MAP4K5: variants seen among roughly 807,000 people sequenced by gnomAD.
MAP4K5 encodes mitogen-activated protein kinase kinase kinase kinase 5, also known as MAPK/ERK kinase kinase kinase 5.
Under a neutral mutation model 135.6 loss-of-function variants are expected in MAP4K5, and 82 were observed. The ratio of observed to expected loss-of-function variants is 0.60; its 90% CI spans 0.51 to 0.73. MAP4K5 has a LOEUF of 0.73. Ranked by LOEUF, MAP4K5 falls within the 30% of genes least tolerant of loss-of-function variation. MAP4K5 has a pLI of 0.00. For missense variants in MAP4K5, 907 were observed against 1,010.9 expected (o/e 0.90, Z 1.39); for synonymous variants, 347 against 335.0 (o/e 1.04, Z -0.39).
chr14:50,511,509 A>G (rs1160146389), intron 2 of MAP4K5, among the ~76,000 whole-genome samples: 3 of 152,184 alleles, frequency 2.0e-5, no homozygotes, highest in Non-Finnish European at 4.4e-5. Flanking sequence ...ACTACAGGAT[A>G]GCTATAGTTA....
At chr14:50,436,701 G>C (rs927054885) in intron 26 of MAP4K5, among the ~76,000 whole-genome samples, 9 of 152,226 alleles carry the variant, frequency 5.9e-5, no homozygotes, top group African/African-American at 2.2e-4. Context: ...GGACATCGAG[G>C]CTCGAATAAG....
rs1366344841 is a variant in MAP4K5 at position 50,443,950 on chromosome 14, G to A, written c.1426C>T (p.Arg476Ter). Residue 476 changes from arginine (R) to a stop codon, truncating the protein, a stop_gained, in exon 19 of 33, where the codon CGA (arginine) becomes TGA (stop). Transcript: ENST00000682126. LOFTEE classifies it high-confidence loss of function. ...APQLPRKKDK[R>*]DFPKPAINGL... ...CCTGTTATACCTACAGGGAAGTCTC[G>A]TTTGTCCTTTTTTCGTGGTAACTGT... 2.5e-6 allele frequency: 4 copies of A among 1,606,506 alleles called. No homozygotes were observed. The highest frequency in any genetic ancestry group is 1.3e-5 in the African/African-American group (1 of 74,992).
chr14:50,477,532 C>G (rs2037128862), intron 6 of MAP4K5, among the ~76,000 whole-genome samples: 1 of 152,160 alleles, frequency 6.6e-6, no homozygotes, highest in South Asian at 2.1e-4. Flanking sequence ...TAAAGGCAGA[C>G]TTCATCACCC....
intron 31 of MAP4K5, among the ~76,000 whole-genome samples, chr14:50,423,600 T>C (rs1048920058): frequency 6.6e-6 from 1 of 151,924 alleles, no homozygotes; most frequent in African/African-American, 2.4e-5. Flanking sequence ...ACCCTGTATC[T>C]ACAGAAGTAT....
At chr14:50,482,042 C>T (rs1047391221) in intron 6 of MAP4K5, among the ~76,000 whole-genome samples, 1 of 152,198 alleles carries the variant, frequency 6.6e-6, no homozygotes, top group African/African-American at 2.4e-5. Flanking sequence ...CCAATTTACA[C>T]AACTGAGGGC....
intron 14 of MAP4K5, among the ~76,000 whole-genome samples, chr14:50,452,842 C>T (rs1051081953): frequency 1.3e-5 from 2 of 152,210 alleles, no homozygotes; most frequent in African/African-American, 4.8e-5. Context: ...AGGGCTTCCA[C>T]CCAAGTCAGT....
intron 3 of MAP4K5, among the ~76,000 whole-genome samples, chr14:50,499,643 A>G (rs560408010): frequency 3.9e-5 from 6 of 152,086 alleles, no homozygotes; most frequent in Admixed American, 2.0e-4. Flanking sequence ...GGGCAACAGA[A>G]AGAGACCCTG....
At chr14:50,432,566 A>C (rs1186904710) in intron 28 of MAP4K5, among the ~76,000 whole-genome samples, 1 of 151,216 alleles carries the variant, frequency 6.6e-6, no homozygotes, top group South Asian at 2.1e-4. Flanking sequence ...CAAAAAAAAA[A>C]AAAAAAAAAA....
intron 28 of MAP4K5, 36 bp from the exon 29 acceptor site, chr14:50,429,296 T>G (rs957502315): frequency 7.8e-7 from 1 of 1,284,340 alleles, no homozygotes; most frequent in Admixed American, 2.1e-5. Context: ...AATTATACTT[T>G]TAAAACCTAG....
chr14:50,424,021 C>T (rs2035789866), intron 31 of MAP4K5, among the ~76,000 whole-genome samples: 2 of 152,046 alleles, frequency 1.3e-5, no homozygotes, highest in South Asian at 4.1e-4. Context: ...TCTTTATTGG[C>T]TTTTTGCCCC....
Position 50,429,218 on chromosome 14 carries a change from C to T in MAP4K5, c.2207G>A (p.Arg736Lys). 1 of 1,562,284 alleles carries T rather than the reference C, an allele frequency of 6.4e-7. No individual in the cohort carries two copies. Among genetic ancestry groups the T allele is most frequent in the East Asian group, 2.4e-5 (1 of 42,298 alleles). Reference protein sequence around the residue: ...LDSIHVTQLERDTVLVCLDKF... With the variant: ...LDSIHVTQLEKDTVLVCLDKF... Reference sequence around the variant, plus strand: ...GTCTAAACACACTAAAACGGTATCTCTCTCCAACTGTGTTACATGAATGGA... The same window carrying T: ...GTCTAAACACACTAAAACGGTATCTTTCTCCAACTGTGTTACATGAATGGA... Residue 736 changes from arginine (R) to lysine (K), a missense_variant, in exon 29 of 33, where the codon AGA becomes AAA. Physicochemically the swap from Arg to Lys is conservative, Grantham distance 26. Coordinates refer to ENST00000682126, the MANE Select transcript of MAP4K5 (RefSeq NM_006575.6).
intron 28 of MAP4K5, among the ~76,000 whole-genome samples, chr14:50,431,405 C>T (rs545925606): frequency 6.6e-6 from 1 of 152,118 alleles, no homozygotes; most frequent in Non-Finnish European, 1.5e-5. Context: ...CTCTCCCCTT[C>T]CCCCACCCCA....
intron 1 of MAP4K5, 129 bp from the exon 2 acceptor site, chr14:50,532,287 G>GC (rs1293555289): frequency 2.3e-6 from 1 of 444,084 alleles, no homozygotes; most frequent in Non-Finnish European, 4.0e-6. Flanking sequence ...GCCTGGAAGG[G>GC]CCCCCGGCGC....
chr14:50,543,955 T>G (rs2140149697), intron 1 of MAP4K5, among the ~76,000 whole-genome samples: 1 of 152,370 alleles, frequency 6.6e-6, no homozygotes, highest in South Asian at 2.1e-4. Context: ...CTGGCTATTT[T>G]GGAGTCTTCA....
intron 1 of MAP4K5, among the ~76,000 whole-genome samples, chr14:50,544,918 CAG>C (rs1325742024): frequency 8.7e-6 from 1 of 115,538 alleles, no homozygotes; most frequent in East Asian, 2.7e-4. Flanking sequence ...GCCTGAGTGA[CAG>C]AGTGAGACCC....
intron 1 of MAP4K5, among the ~76,000 whole-genome samples, chr14:50,557,037 T>C (rs951554240): frequency 2.0e-5 from 3 of 152,212 alleles, no homozygotes; most frequent in African/African-American, 7.2e-5. Flanking sequence ...ATGGCAATTC[T>C]ATGTTTAACT....
rs974240467 is a variant in MAP4K5 at position 50,434,878 on chromosome 14, G to A, written c.1986+84C>T. 3 of 748,698 alleles carry A rather than the reference G, an allele frequency of 4.0e-6. No individual in the cohort carries two copies. In the African/African-American group the frequency reaches 5.3e-5, roughly 13 times the overall value. The allele number at this position is 748,698 out of a possible 1,614,324, so 46.4% of individuals were successfully genotyped here. On this transcript the variant is annotated intron_variant, in intron 27 of 32. Coordinates refer to ENST00000682126, the MANE Select transcript of MAP4K5 (RefSeq NM_006575.6). ...ACTATAAATGTTCTGACCCTAGATA[G>A]TAGTATTGGGATCTGCTAATTTTAG...
At chr14:50,487,143 T>C (rs2037379428) in intron 3 of MAP4K5, among the ~76,000 whole-genome samples, 1 of 152,176 alleles carries the variant, frequency 6.6e-6, no homozygotes, top group Non-Finnish European at 1.5e-5. Flanking sequence ...AACATCTATT[T>C]AGTTTCATAC....
intron 31 of MAP4K5, among the ~76,000 whole-genome samples, chr14:50,424,617 G>A (rs539437270): frequency 6.6e-6 from 1 of 150,410 alleles, no homozygotes; most frequent in South Asian, 2.1e-4. Flanking sequence ...GGCCGAGGCA[G>A]GAGAATCGCT....
Sources: allele counts gnomAD v4.1 joint callset (sites outside exome capture counted in the v4.1 genomes callset), GRCh38; gene constraint gnomAD v4.1.1; transcripts MANE v1.5; gene names NCBI Gene and HGNC (gene_info 2026-07-23, HGNC 2026-07-21).